The following DAG1 variants were observed in gnomAD, a reference collection of about 807,000 sequenced individuals.
DAG1 encodes the protein dystroglycan 1.
A neutral mutation model predicts 46.1 loss-of-function variants in DAG1; 8 were observed. That is an observed-to-expected ratio of 0.17 (90% CI 0.10 to 0.31). The LOEUF (loss-of-function observed/expected upper bound fraction) is 0.31. Among genes scored for constraint, DAG1 ranks in the 10% least tolerant of loss-of-function variants. The pLI, the probability that DAG1 is intolerant of heterozygous loss-of-function variation, is 1.00. For synonymous variants in DAG1, 495 were observed against 481.8 expected, an observed-to-expected ratio of 1.03 and a Z score of -0.36; for missense variants, 1,003 against 1,189.9, an observed-to-expected ratio of 0.84 and a Z score of 2.31.
chr3:49,474,805 A>T (rs1215022524), intron 1 of DAG1, among the ~76,000 whole-genome samples: 1 of 134,864 alleles, frequency 7.4e-6, no homozygotes, highest in Admixed American at 9.0e-5. Flanking sequence ...TTAATTAATT[A>T]ATTAGTTTTT....
chr3:49,533,121 A>C lies in DAG1; in HGVS notation c.2610A>C (p.Thr870=), dbSNP rs779926178. 3.1e-6 allele frequency: 5 copies of C among 1,614,036 alleles called. No individual in the cohort carries two copies. In the African/African-American group the frequency reaches 4.0e-5, roughly 13 times the overall value. The change falls in exon 3 of 3, where the codon ACA becomes ACC. Residue 870 remains threonine, a synonymous_variant. Coordinates refer to ENST00000308775, the MANE Select transcript of DAG1 (RefSeq NM_004393.6). The stretch of plus-strand genomic sequence containing the variant: ...CCTACCAGCCCCCACCGCCCTTCAC[A>C]GCACCCATGGAGGGCAAGGGCTCCC... ...APPYQPPPPF[T]APMEGKGSRP...
At chr3:49,477,731 G>A (rs1263500793) in intron 1 of DAG1, among the ~76,000 whole-genome samples, 1 of 152,084 alleles carries the variant, frequency 6.6e-6, no homozygotes, top group Non-Finnish European at 1.5e-5. Context: ...GGAGGCCGAT[G>A]TGCACAGATC....
chr3:49,506,258 G>T (rs573566864), intron 1 of DAG1, among the ~76,000 whole-genome samples: 2 of 152,332 alleles, frequency 1.3e-5, no homozygotes, highest in East Asian at 1.9e-4. Context: ...GATTACAGGC[G>T]TGGGCCACTG....
At chr3:49,482,586 G>A (rs758527587) in intron 1 of DAG1, among the ~76,000 whole-genome samples, 21 of 152,260 alleles carry the variant, frequency 1.4e-4, no homozygotes, top group African/African-American at 4.8e-4. Flanking sequence ...TTATGTGTAC[G>A]TCCATCCAGT....
intron 2 of DAG1, among the ~76,000 whole-genome samples, chr3:49,525,429 C>G (rs1404832517): frequency 6.6e-6 from 1 of 152,142 alleles, no homozygotes; most frequent in Non-Finnish European, 1.5e-5. Context: ...GCAGGCTATA[C>G]AGGGAATATA....
At chr3:49,493,843 T>C (rs1483831877) in intron 1 of DAG1, among the ~76,000 whole-genome samples, 1 of 152,212 alleles carries the variant, frequency 6.6e-6, no homozygotes, top group African/African-American at 2.4e-5. Flanking sequence ...TCCCTGTCCA[T>C]AGTGTTGGCC....
chr3:49,482,981 C>G (rs771542982), intron 1 of DAG1, among the ~76,000 whole-genome samples: 1 of 152,038 alleles, frequency 6.6e-6, no homozygotes, highest in Non-Finnish European at 1.5e-5. Flanking sequence ...CAGTTGTTCT[C>G]CAGGGATAGA....
chr3:49,478,802 C>CTTTTTTTTTTTTTTTTTTTTT (rs201202889), intron 1 of DAG1, among the ~76,000 whole-genome samples: 8 of 76,012 alleles, frequency 1.1e-4, no homozygotes, highest in Non-Finnish European at 1.5e-4. Flanking sequence ...CGTCCCCTCC[C>CTTTTTTTTTTTTTTTTTTTTT]TTTTTTTTTT....
chr3:49,527,119 C>T (rs1233997265), intron 2 of DAG1, among the ~76,000 whole-genome samples: 1 of 152,064 alleles, frequency 6.6e-6, no homozygotes, highest in Non-Finnish European at 1.5e-5. Context: ...TGGCCGGGTG[C>T]GGTGGCTCAT....
At position 49,531,339 on chromosome 3, in the gene DAG1, T is replaced by A. The variant is rs2051338282; in HGVS notation, c.828T>A (p.Gly276=). The change falls in exon 3 of 3, where the codon GGT becomes GGA. Residue 276 remains glycine, a synonymous_variant. Transcript: ENST00000308775. This position sits in a 1 kb window ranked among gnomAD's most constrained non-coding sequence, Gnocchi z 7.0. Reference sequence around the variant, plus strand: ...AGAACAGTGTGCCTGACATTCATGGTGTAGAGGCCCCTGCCAGGGAGGGCG... The same window carrying A: ...AGAACAGTGTGCCTGACATTCATGGAGTAGAGGCCCCTGCCAGGGAGGGCG... ...LNQNSVPDIH[G]VEAPAREGAM... is the part of the protein sequence containing the mutation. The A allele has an allele frequency of 6.2e-7, 1 of 1,613,958 alleles. No homozygotes were observed.
intron 1 of DAG1, among the ~76,000 whole-genome samples, chr3:49,485,696 C>T (rs192009187): frequency 0.013 from 1,571 of 120,014 alleles, 31 homozygotes; most frequent in African/African-American, 0.048. Context: ...AGGTCTCACT[C>T]TGTCACCCAA....
At chr3:49,478,802 C>CTTTTTTTT (rs201202889) in intron 1 of DAG1, among the ~76,000 whole-genome samples, 1,832 of 75,904 alleles carry the variant, frequency 0.024, 152 homozygotes, top group Non-Finnish European at 0.03. Flanking sequence ...CGTCCCCTCC[C>CTTTTTTTT]TTTTTTTTTT....
At chr3:49,482,618 TAA>T (rs921775966) in intron 1 of DAG1, among the ~76,000 whole-genome samples, 1 of 152,204 alleles carries the variant, frequency 6.6e-6, no homozygotes, top group African/African-American at 2.4e-5. Context: ...CCCTTAAACT[TAA>T]TTATGACGTA....
intron 1 of DAG1, chr3:49,487,474 G>T (rs1333459663): frequency 6.6e-6 from 1 of 152,066 alleles, no homozygotes; most frequent in African/African-American, 2.4e-5. Flanking sequence ...CAATATAAAG[G>T]TTAGACTTGA....
At position 49,481,205 on chromosome 3, in the gene DAG1, T is replaced by G. The variant is rs1384753515; in HGVS notation, c.-117+10772T>G. ...GAGATGGAGACCGTCCTGGCTAACA[T>G]GGTGAAACCCCGTCTCTACTAAAAA... On this transcript the variant is annotated intron_variant, in intron 1 of 2. Coordinates refer to ENST00000308775, the MANE Select transcript of DAG1 (RefSeq NM_004393.6). 6.9e-5 allele frequency among the ~76,000 whole-genome samples: 10 copies of G among 144,358 alleles called. No homozygotes were observed. The South Asian group carries it at 2.3e-3, about 33-fold the overall frequency. 94.7% of individuals were successfully genotyped at this position (144,358 alleles called of 152,430 possible).
chr3:49,474,791 A>T lies in DAG1; in HGVS notation c.-117+4358A>T, dbSNP rs557906116. Among the ~76,000 whole-genome samples, 455 of 147,896 alleles carry T rather than the reference A, an allele frequency of 3.1e-3. 3 individuals are homozygous for T. Among genetic ancestry groups the T allele is most frequent in the African/African-American group, 9.5e-3 (385 of 40,414 alleles). ...AGCCACCATGCCTGGCCTTTTTTTT[A>T]AAATTAATTAATTAATTAGTTTTTT... On this transcript the variant is annotated intron_variant, in intron 1 of 2. Transcript: ENST00000308775.
Position 49,535,075 on chromosome 3 carries a change from CTG to C in DAG1, c.*1877_*1878del, listed in dbSNP as rs2051474625. The C allele has an allele frequency of 6.6e-6, 1 of 152,242 alleles. No individual in the cohort carries two copies. Among genetic ancestry groups the C allele is most frequent in the Admixed American group, 6.5e-5 (1 of 15,288 alleles). 9.4% of individuals were successfully genotyped at this position (152,242 alleles called of 1,614,324 possible). A position where few individuals can be genotyped will look rare whatever the true frequency, so the allele number is the denominator to read the frequency against. On this transcript the variant is annotated 3_prime_UTR_variant, in exon 3 of 3. Transcript: ENST00000308775. ...CCTGCCCCAGTCCCCAGGGGGTACT[CTG>C]GAGTGAGCAGTGCCCCTGTGGGGGA...
In DAG1 at chr3:49,530,806, G is replaced by A. The variant is rs755965572; in HGVS notation, c.295G>A (p.Ala99Thr). Residue 99 changes from alanine to threonine, a missense_variant, in exon 3 of 3, where the codon GCA (alanine) becomes ACA (threonine). Physicochemically the swap from Ala to Thr is moderately conservative, Grantham distance 58. Coordinates refer to ENST00000308775, the MANE Select transcript of DAG1 (RefSeq NM_004393.6). ...SSGDIIKVSA[A>T]GKEALPSWLH... is the part of the protein sequence containing the mutation. ...CTTGTGTCTCTTCTAGGTATCAGCG[G>A]CAGGGAAGGAGGCTTTGCCATCTTG... 2.7e-5 allele frequency: 43 copies of A among 1,614,064 alleles called. No individual in the cohort carries two copies. The highest frequency in any genetic ancestry group is 7.6e-6 in the Non-Finnish European group (9 of 1,180,038).
intron 2 of DAG1, among the ~76,000 whole-genome samples, chr3:49,528,578 C>G (rs1212962422): frequency 6.6e-6 from 1 of 151,810 alleles, no homozygotes; most frequent in Non-Finnish European, 1.5e-5. Context: ...AGCCACCACG[C>G]CCAGCCAATA....
Sources: gnomAD v4.1 joint callset for allele counts (sites outside exome capture counted in the v4.1 genomes callset) on GRCh38, gnomAD v4.1.1 for gene constraint, Gnocchi (gnomAD v3.1) non-coding constraint, MANE v1.5 for transcripts, NCBI Gene and HGNC (gene_info 2026-07-23, HGNC 2026-07-21) for gene names.